Variants in ZRANB1 observed in about 807,000 individuals in gnomAD.
The protein encoded by ZRANB1 is ubiquitin thioesterase ZRANB1.
A neutral mutation model predicts 80.5 loss-of-function variants in ZRANB1; 16 were observed. The observed-to-expected ratio is 0.20, with a 90% confidence interval of 0.13 to 0.30. ZRANB1 has a LOEUF of 0.30. Ranked by LOEUF, ZRANB1 falls within the 10% of genes least tolerant of loss-of-function variation. ZRANB1 has a pLI of 1.00. For synonymous variants in ZRANB1, 291 were observed against 293.1 expected (o/e 0.99, Z 0.07); for missense variants, 576 against 862.6 (o/e 0.67, Z 4.16).
Position 124,974,650 on chromosome 10 carries a change from G to A in ZRANB1, c.1427+252G>A, listed in dbSNP as rs139594141. The stretch of plus-strand genomic sequence containing the variant: ...GCTAAATTTTAAAATAGAAACATTT[G>A]AAGCTTTAAAATGCAAGCATTTATT... On this transcript the variant is annotated intron_variant, in intron 5 of 8. Transcript: ENST00000359653. Among the ~76,000 whole-genome samples, 1,178 of 152,280 alleles carry A rather than the reference G, an allele frequency of 7.7e-3. 14 individuals carry two copies. Among genetic ancestry groups the A allele is most frequent in the African/African-American group, 0.027 (1,139 of 41,550 alleles).
At chr10:124,974,517 T>G in intron 5 of ZRANB1, 119 bp downstream of exon 5, 1 of 1,050,064 alleles carries the variant, frequency 9.5e-7, no homozygotes, top group Non-Finnish European at 1.4e-6. Context: ...GGAAAAACAG[T>G]TCATTTTGGA....
chr10:124,916,986 C>A, the ZRANB1 span, among the ~76,000 whole-genome samples: 1 of 151,994 alleles, frequency 6.6e-6, no homozygotes, highest in African/African-American at 2.4e-5. Context: ...CCGGGGCTCC[C>A]CAGTCTCCGC....
the ZRANB1 span, among the ~76,000 whole-genome samples, chr10:124,935,623 G>C: frequency 1.3e-5 from 2 of 152,318 alleles, no homozygotes; most frequent in East Asian, 3.9e-4. Flanking sequence ...TTTATATCTA[G>C]CAGACACTTT....
At chr10:124,924,073 CTT>C in the ZRANB1 span, among the ~76,000 whole-genome samples, 19 of 151,750 alleles carry the variant, frequency 1.3e-4, no homozygotes, top group Middle Eastern at 6.8e-3. Context: ...TGGGTGGTCT[CTT>C]TCTTTTTTTT....
intron 1 of ZRANB1, among the ~76,000 whole-genome samples, chr10:124,950,808 C>T (rs192043929): frequency 1.6e-4 from 25 of 152,102 alleles, no homozygotes; most frequent in Admixed American, 1.4e-3. Flanking sequence ...GGCGAGACCT[C>T]GTCTCTATAA....
chr10:124,917,710 C>T, the ZRANB1 span, among the ~76,000 whole-genome samples: 5 of 152,206 alleles, frequency 3.3e-5, no homozygotes, highest in African/African-American at 1.2e-4. Flanking sequence ...AGTCCCTCGG[C>T]CGCTTGCTTT....
the ZRANB1 span, among the ~76,000 whole-genome samples, chr10:124,924,030 GT>G: frequency 4.0e-5 from 6 of 149,554 alleles, no homozygotes; most frequent in African/African-American, 1.5e-4. Context: ...CGCAGTTTTG[GT>G]TTTTCATCCT....
At chr10:124,940,639 TATG>T, upstream of ZRANB1, 12 of 766,378 alleles carry the variant, frequency 1.6e-5, no homozygotes, top group Non-Finnish European at 1.9e-5. Context: ...ATAAATGGTG[TATG>T]GACTTGGCAG....
At chr10:124,981,478 T>C in intron 5 of ZRANB1, 1 of 343,370 alleles carries the variant, frequency 2.9e-6, no homozygotes. Context: ...AAAATTTGGT[T>C]GTCGGTAAAT....
chr10:124,954,140 GTTTTTTTTTTTTT>G (rs55962412), intron 1 of ZRANB1, among the ~76,000 whole-genome samples: 6 of 52,510 alleles, frequency 1.1e-4, no homozygotes, highest in Admixed American at 9.2e-4. Flanking sequence ...GCTAATTCCT[GTTTTTTTTTTTTT>G]TTTTTTTTTT....
In ZRANB1 at chr10:124,986,285, G is replaced by GCA. The variant is rs1295268779; in HGVS notation, c.*1294_*1295insAC. The GCA allele has an allele frequency of 1.2e-4, 7 of 57,794 alleles. No homozygotes were observed. The highest frequency in any genetic ancestry group is 2.2e-4 in the African/African-American group (4 of 17,880). 3.6% of individuals were successfully genotyped at this position (57,794 alleles called of 1,614,324 possible). A position where few individuals can be genotyped will look rare whatever the true frequency, so the allele number is the denominator to read the frequency against. Reference sequence around the variant, plus strand: ...TTGGAAAGACGACACACGCACGCGCGCGCGCGCACACACACACACACACAC... The same window carrying GCA: ...TTGGAAAGACGACACACGCACGCGCGCACGCGCGCACACACACACACACACAC... On this transcript the variant is annotated 3_prime_UTR_variant, in exon 9 of 9. Transcript: ENST00000359653.
At position 124,943,292 on chromosome 10, in the gene ZRANB1, C is replaced by G; in HGVS notation, c.799C>G (p.Leu267Val). 6.2e-7 allele frequency: 1 copy of G among 1,612,810 alleles called. No individual in the cohort carries two copies. The highest frequency in any genetic ancestry group is 8.5e-7 in the Non-Finnish European group (1 of 1,179,258). The change falls in exon 1 of 9, where the codon CTC (leucine) becomes GTC (valine). Residue 267 changes from leucine to valine, a missense_variant. By Grantham distance (32) the Leu-to-Val change is conservative. Around this residue, in one of 3 missense-constraint regions of ZRANB1, gnomAD observed 411 missense variants for 583.1 expected, o/e 0.70. Coordinates refer to ENST00000359653, the MANE Select transcript of ZRANB1 (RefSeq NM_017580.3). Reference sequence around the variant, plus strand: ...GATGAAAAAGACTGATTGGCTCTTCCTCAATGCTTGTGTGGGTAAGTTTCT... The same window carrying G: ...GATGAAAAAGACTGATTGGCTCTTCGTCAATGCTTGTGTGGGTAAGTTTCT... ...NRMKKTDWLF[L>V]NACVGVVEGD...
chr10:124,919,917 C>CT, the ZRANB1 span, among the ~76,000 whole-genome samples: 17 of 122,290 alleles, frequency 1.4e-4, no homozygotes, highest in Non-Finnish European at 2.0e-4. Context: ...GGCCCCCCCC[C>CT]CCCCTTTTTT....
In ZRANB1 at chr10:124,986,749, A is replaced by T. The variant is rs917339726; in HGVS notation, c.*1757A>T. On this transcript the variant is annotated 3_prime_UTR_variant, in exon 9 of 9. Coordinates refer to ENST00000359653, the MANE Select transcript of ZRANB1 (RefSeq NM_017580.3). ...AGCATCTGTAGTAATTTCTCTATGTATAGGGATAATTTTTTAGTGGGCAGA... is the reference window on the plus strand; with the variant it reads ...AGCATCTGTAGTAATTTCTCTATGTTTAGGGATAATTTTTTAGTGGGCAGA... The T allele has an allele frequency of 6.6e-6, 1 of 152,186 alleles. No homozygotes were observed. Among genetic ancestry groups the T allele is most frequent in the Non-Finnish European group, 1.5e-5 (1 of 68,036 alleles). The allele number at this position is 152,186 out of a possible 1,614,324, so 9.4% of individuals were successfully genotyped here.
chr10:124,931,253 G>A, the ZRANB1 span, among the ~76,000 whole-genome samples: 1 of 151,932 alleles, frequency 6.6e-6, no homozygotes, highest in Non-Finnish European at 1.5e-5. Context: ...ACGATTTTTT[G>A]TAGAGATGGA....
chr10:124,945,476 G>T (rs1951574451), intron 1 of ZRANB1: 1 of 142,756 alleles, frequency 7.0e-6, no homozygotes, highest in African/African-American at 2.8e-5. Context: ...ACAAGGTGGT[G>T]TTATAGTACA....
At chr10:124,960,014 G>C (rs1564960725) in intron 1 of ZRANB1, among the ~76,000 whole-genome samples, 1 of 152,188 alleles carries the variant, frequency 6.6e-6, no homozygotes, top group Non-Finnish European at 1.5e-5. Flanking sequence ...GAGGAGTTTA[G>C]AAAGCCAGAT....
intron 2 of ZRANB1, 37 bp from the exon 3 acceptor site, chr10:124,971,928 T>C (rs1951829752): frequency 2.0e-6 from 3 of 1,522,250 alleles, no homozygotes; most frequent in Non-Finnish European, 1.8e-6. Flanking sequence ...CCACTTATGA[T>C]ACATGAGATG....
intron 1 of ZRANB1, among the ~76,000 whole-genome samples, chr10:124,961,434 T>A (rs1272104783): frequency 6.6e-6 from 1 of 152,268 alleles, no homozygotes; most frequent in Non-Finnish European, 1.5e-5. Context: ...CCATCTCTGA[T>A]CACTTGTCCC....
Sources: gnomAD v4.1 joint callset for allele counts (sites outside exome capture counted in the v4.1 genomes callset) on GRCh38, gnomAD v4.1.1 for gene constraint, gnomAD v4.1.1 regional missense constraint, MANE v1.5 for transcripts, NCBI Gene and HGNC (gene_info 2026-07-23, HGNC 2026-07-21) for gene names.